The following TMEM65 variants were observed in gnomAD, a reference collection of about 807,000 sequenced individuals.
The protein encoded by TMEM65 is transmembrane protein 65.
Under a neutral mutation model 25.4 loss-of-function variants are expected in TMEM65, and 22 were observed. The ratio of observed to expected loss-of-function variants is 0.86; its 90% CI spans 0.62 to 1.23. The LOEUF is 1.23. Ranked by LOEUF, TMEM65 falls within the 50% of genes most tolerant of loss-of-function variation. The pLI is 0.00. For synonymous variants in TMEM65, 132 were observed against 126.2 expected, an observed-to-expected ratio of 1.05 and a Z score of -0.31; for missense variants, 262 against 308.2, an observed-to-expected ratio of 0.85 and a Z score of 1.12.
chr8:124,330,640 T>G (rs933151902), intron 2 of TMEM65, 108 bp downstream of exon 2: 37 of 1,099,948 alleles, frequency 3.4e-5, no homozygotes, highest in Non-Finnish European at 4.7e-5. Context: ...ATCCACTCTA[T>G]CTGGAAAGAT....
In TMEM65 at chr8:124,354,132, A is replaced by G. The variant is rs548150934; in HGVS notation, c.304+17722T>C. Among the ~76,000 whole-genome samples the G allele has an allele frequency of 7.9e-5, 12 of 152,284 alleles. No individual in the cohort carries two copies. In the South Asian group the frequency reaches 2.1e-3, roughly 26 times the overall value. On this transcript the variant is annotated intron_variant, in intron 1 of 6. Coordinates refer to ENST00000297632, the MANE Select transcript of TMEM65 (RefSeq NM_194291.3). ...GGTTTCTCTCAAAGACGTGCTACAAAAAACCCAAAGACATGCTACAAAAAA... is the reference window on the plus strand; with the variant it reads ...GGTTTCTCTCAAAGACGTGCTACAAGAAACCCAAAGACATGCTACAAAAAA...
chr8:124,333,084 G>C (rs1210649927), intron 1 of TMEM65, among the ~76,000 whole-genome samples: 1 of 151,724 alleles, frequency 6.6e-6, no homozygotes, highest in African/African-American at 2.4e-5. Flanking sequence ...TTACAGGCGT[G>C]AGCCACCATG....
chr8:124,348,802 A>G (rs368571341), intron 1 of TMEM65, among the ~76,000 whole-genome samples: 15 of 152,186 alleles, frequency 9.9e-5, no homozygotes, highest in African/African-American at 3.6e-4. Flanking sequence ...TTGAAGCTGA[A>G]AGAATTCTTA....
At chr8:124,315,581 A>AG (rs567602848) in intron 6 of TMEM65, among the ~76,000 whole-genome samples, 17 of 152,088 alleles carry the variant, frequency 1.1e-4, no homozygotes, top group Non-Finnish European at 2.1e-4. Context: ...TCGGCCTCCC[A>AG]AAGTGCTGGA....
chr8:124,325,596 A>ATT (rs1404915954), intron 3 of TMEM65, among the ~76,000 whole-genome samples: 2 of 152,028 alleles, frequency 1.3e-5, no homozygotes, highest in African/African-American at 2.4e-5. Flanking sequence ...AATGGCCCAT[A>ATT]AGCCCCTGAA....
intron 1 of TMEM65, among the ~76,000 whole-genome samples, chr8:124,348,226 C>T (rs912223662): frequency 5.3e-5 from 8 of 151,986 alleles, no homozygotes; most frequent in African/African-American, 1.7e-4. Context: ...GGATTACAGG[C>T]GTGAGCCACC....
At chr8:124,360,689 T>C (rs893780508) in intron 1 of TMEM65, among the ~76,000 whole-genome samples, 4 of 152,198 alleles carry the variant, frequency 2.6e-5, no homozygotes, top group African/African-American at 4.8e-5. Context: ...TTTGGAGATA[T>C]AAATTTTCTA....
intron 6 of TMEM65, among the ~76,000 whole-genome samples, chr8:124,315,573 G>A (rs530786766): frequency 3.9e-5 from 6 of 151,936 alleles, no homozygotes; most frequent in East Asian, 1.9e-4. Flanking sequence ...CACCCGCCTC[G>A]GCCTCCCAAA....
rs1258938031 is a variant in TMEM65, at chr8:124,332,908, C to T, written c.305-2116G>A. On this transcript the variant is annotated intron_variant, in intron 1 of 6. Coordinates refer to ENST00000297632, the MANE Select transcript of TMEM65 (RefSeq NM_194291.3). ...GCAGCCTCCACCTCCCAGATTTAAG[C>T]GATTCTCCTGTTTCAGCCTCCCGAG... 2.6e-5 allele frequency among the ~76,000 whole-genome samples: 4 copies of T among 152,168 alleles called. No individual in the cohort carries two copies. In the East Asian group the frequency reaches 7.7e-4, roughly 29 times the overall value.
chr8:124,364,237 GAAGT>G (rs1374174334), intron 1 of TMEM65, among the ~76,000 whole-genome samples: 1 of 152,302 alleles, frequency 6.6e-6, no homozygotes, highest in South Asian at 2.1e-4. Context: ...ACAATTGGCA[GAAGT>G]AAAATCAGAC....
In TMEM65 at chr8:124,308,946, T is replaced by G. The variant is rs1296946714; in HGVS notation, c.*5014A>C. The G allele has an allele frequency of 6.6e-6, 1 of 152,192 alleles. No homozygotes were observed. Among genetic ancestry groups the G allele is most frequent in the Non-Finnish European group, 1.5e-5 (1 of 68,034 alleles). The allele number at this position is 152,192 out of a possible 1,614,324, so 9.4% of individuals were successfully genotyped here. On this transcript the variant is annotated 3_prime_UTR_variant, in exon 7 of 7. Transcript: ENST00000297632. ...AATGCATTTTCATAATTACACGTAG[T>G]GTGCCTGCCTTTCCTGCTTCCCCTT...
rs550887008 is a variant in TMEM65 at position 124,329,567 on chromosome 8, C to A, written c.349+1181G>T. Among the ~76,000 whole-genome samples, 532 of 152,038 alleles carry A rather than the reference C, an allele frequency of 3.5e-3. 3 individuals carry two copies. Among genetic ancestry groups the A allele is most frequent in the South Asian group, 6.0e-3 (29 of 4,830 alleles). ...TCAGTAAAACCAAGGCACTCTGTTA[C>A]AAACAATCACTTTGAACTATACGAT... On this transcript the variant is annotated intron_variant, in intron 2 of 6. Transcript: ENST00000297632.
At chr8:124,349,571 A>C (rs1814680631) in intron 1 of TMEM65, among the ~76,000 whole-genome samples, 1 of 152,172 alleles carries the variant, frequency 6.6e-6, no homozygotes, top group Admixed American at 6.5e-5. Flanking sequence ...CCGAACTAAA[A>C]ACCCAAAAGA....
intron 1 of TMEM65, among the ~76,000 whole-genome samples, chr8:124,344,824 T>C (rs887258069): frequency 6.6e-6 from 1 of 152,128 alleles, no homozygotes; most frequent in Non-Finnish European, 1.5e-5. Context: ...TGTATAGCCA[T>C]ACAATATATA....
At chr8:124,321,882 A>G (rs189224902) in intron 5 of TMEM65, among the ~76,000 whole-genome samples, 1 of 152,324 alleles carries the variant, frequency 6.6e-6, no homozygotes, top group East Asian at 1.9e-4. Context: ...CTCCCTCTCC[A>G]GAGACACTAA....
intron 6 of TMEM65, 87 bp downstream of exon 6, chr8:124,319,999 T>C (rs1380425886): frequency 1.1e-6 from 1 of 949,788 alleles, no homozygotes; most frequent in Non-Finnish European, 1.5e-6. Context: ...AAACCAATTT[T>C]AGTCTCAAAT....
In TMEM65 at chr8:124,313,976, A is replaced by C; in HGVS notation, c.707T>G (p.Leu236Arg). 2 of 1,612,886 alleles carry C rather than the reference A, an allele frequency of 1.2e-6. No individual in the cohort carries two copies. The highest frequency in any genetic ancestry group is 1.7e-6 in the Non-Finnish European group (2 of 1,179,250). The change falls in exon 7 of 7, where the codon CTG becomes CGG. Residue 236 changes from leucine to arginine, a missense_variant. Coordinates refer to ENST00000297632, the MANE Select transcript of TMEM65 (RefSeq NM_194291.3). ...FFGGGEEDEK[L>R]ETKS The stretch of plus-strand genomic sequence containing the variant: ...CTAAGAGGATTAACTTTTCGTTTCC[A>C]GTTTTTCATCTTCTTCACCTCCTCC...
chr8:124,370,854 G>T (rs1815002714), intron 1 of TMEM65, among the ~76,000 whole-genome samples: 1 of 152,180 alleles, frequency 6.6e-6, no homozygotes, highest in South Asian at 2.1e-4. Context: ...GTTTAGAGAG[G>T]AGAGTAAACT....
At chr8:124,354,193 G>C (rs7829851) in intron 1 of TMEM65, among the ~76,000 whole-genome samples, 1 of 151,914 alleles carries the variant, frequency 6.6e-6, no homozygotes. Flanking sequence ...CAAGATCAAT[G>C]CAACTCAAGG....
Sources: gnomAD v4.1 joint callset for allele counts (sites outside exome capture counted in the v4.1 genomes callset) on GRCh38, gnomAD v4.1.1 for gene constraint, MANE v1.5 for transcripts, NCBI Gene and HGNC (gene_info 2026-07-23, HGNC 2026-07-21) for gene names.